FAM227B: variants seen among roughly 807,000 people sequenced by gnomAD.
FAM227B encodes the protein protein FAM227B.
In FAM227B, 88 loss-of-function variants were observed where a neutral mutation model predicts 73.8. That is an observed-to-expected ratio of 1.19 (90% CI 1.00 to 1.42). FAM227B has a LOEUF of 1.42. FAM227B is among the 40% of genes most tolerant of loss of function. The pLI, the probability that FAM227B is intolerant of heterozygous loss-of-function variation, is 0.00. For missense variants in FAM227B, 632 were observed against 590.9 expected (o/e 1.07, Z -0.72); for synonymous variants, 210 against 190.5 (o/e 1.10, Z -0.84).
chr15:49,355,390 C>G (rs2042972653), intron 13 of FAM227B, among the ~76,000 whole-genome samples: 1 of 152,042 alleles, frequency 6.6e-6, no homozygotes, highest in South Asian at 2.1e-4. Flanking sequence ...CAGAGAACTG[C>G]CTAAAGGAGC....
intron 13 of FAM227B, among the ~76,000 whole-genome samples, chr15:49,343,439 G>T (rs1005540705): frequency 1.3e-5 from 2 of 152,006 alleles, no homozygotes; most frequent in Non-Finnish European, 2.9e-5. Flanking sequence ...GAGTTTCTTT[G>T]TGTTGACTTT....
chr15:49,432,107 G>A lies in FAM227B; in HGVS notation c.1013-60708C>T, dbSNP rs1457146035. On this transcript the variant is annotated intron_variant, in intron 11 of 15. Transcript: ENST00000299338. The stretch of plus-strand genomic sequence containing the variant: ...GATTAATGTAAGAGAAATAAGACAT[G>A]TTTCAATATCCTCAAATATCACATT... Among the ~76,000 whole-genome samples the A allele has an allele frequency of 2.0e-5, 3 of 151,642 alleles. No homozygotes were observed. The East Asian group carries it at 5.8e-4, about 29-fold the overall frequency.
chr15:49,372,569 ACCTTT>A (rs1475197744), intron 11 of FAM227B, among the ~76,000 whole-genome samples: 1 of 152,146 alleles, frequency 6.6e-6, no homozygotes, highest in Non-Finnish European at 1.5e-5. Flanking sequence ...AGACTTGGTG[ACCTTT>A]CCTTTCAACT....
intron 11 of FAM227B, chr15:49,424,636 A>G (rs777358667): frequency 2.0e-5 from 27 of 1,356,714 alleles, no homozygotes; most frequent in East Asian, 2.4e-5. Flanking sequence ...TAATGGATCA[A>G]TTTTCAGGTG....
chr15:49,415,459 G>T (rs893981364), intron 11 of FAM227B, among the ~76,000 whole-genome samples: 1 of 151,930 alleles, frequency 6.6e-6, no homozygotes, highest in Non-Finnish European at 1.5e-5. Context: ...AACTTAAGGG[G>T]AATCAAGACA....
chr15:49,584,553 T>G (rs1053855897), intron 5 of FAM227B, among the ~76,000 whole-genome samples: 3 of 152,142 alleles, frequency 2.0e-5, no homozygotes, highest in Admixed American at 6.6e-5. Flanking sequence ...GGCATCCAAA[T>G]AGAAAGAAAG....
intron 9 of FAM227B, among the ~76,000 whole-genome samples, chr15:49,564,610 T>C (rs1303712293): frequency 6.6e-6 from 1 of 151,912 alleles, no homozygotes; most frequent in Non-Finnish European, 1.5e-5. Flanking sequence ...AATGGTGAAC[T>C]GGATGAAGAA....
intron 11 of FAM227B, among the ~76,000 whole-genome samples, chr15:49,497,978 T>C (rs2057772577): frequency 6.6e-6 from 1 of 152,244 alleles, no homozygotes; most frequent in African/African-American, 2.4e-5. Context: ...AGTCTTCTGC[T>C]ACCTTTCTGG....
intron 11 of FAM227B, among the ~76,000 whole-genome samples, chr15:49,377,337 A>G (rs1156587004): frequency 3.3e-5 from 5 of 152,028 alleles, no homozygotes; most frequent in Admixed American, 3.3e-4. Flanking sequence ...GAGTACAGAT[A>G]TTTCTTTGAT....
In FAM227B at chr15:49,615,192, A is replaced by G. The variant is rs2078212440; in HGVS notation, c.-21T>C. 6.2e-7 allele frequency: 1 copy of G among 1,613,198 alleles called. No homozygotes were observed. The highest frequency in any genetic ancestry group is 1.1e-5 in the South Asian group (1 of 91,064). ...GCCATGGTACAGTAACTTTGCAGAA[A>G]TGAAGAGAAATCAGCTGGGTCTTAG... On this transcript the variant is annotated 5_prime_UTR_variant, in exon 2 of 16. Transcript: ENST00000299338.
At position 49,367,433 on chromosome 15, in the gene FAM227B, C is replaced by T. The variant is rs1457001020; in HGVS notation, c.1271+15G>A. On this transcript the variant is annotated intron_variant, in intron 13 of 15. Coordinates refer to ENST00000299338, the MANE Select transcript of FAM227B (RefSeq NM_152647.3). ...TGAAAGAAATTATATTAAAGCAAAG[C>T]TTTAAAAAGGATATGGTTCCTGGAA... 1.3e-6 allele frequency: 2 copies of T among 1,537,248 alleles called. No homozygotes were observed. The highest frequency in any genetic ancestry group is 1.7e-6 in the Non-Finnish European group (2 of 1,152,882).
At chr15:49,532,137 G>A (rs1252516260) in intron 10 of FAM227B, among the ~76,000 whole-genome samples, 1 of 150,860 alleles carries the variant, frequency 6.6e-6, no homozygotes, top group East Asian at 1.9e-4. Context: ...GATATTTAGG[G>A]AAGCTGGTTG....
At chr15:49,567,155 G>C (rs949029534) in intron 9 of FAM227B, among the ~76,000 whole-genome samples, 1 of 152,124 alleles carries the variant, frequency 6.6e-6, no homozygotes, top group Non-Finnish European at 1.5e-5. Flanking sequence ...AAAGAATATG[G>C]GTAGCAGAAA....
chr15:49,547,155 C>T (rs2152291958), intron 9 of FAM227B, among the ~76,000 whole-genome samples: 1 of 152,244 alleles, frequency 6.6e-6, no homozygotes, highest in East Asian at 1.9e-4. Flanking sequence ...ATTTTCAGCC[C>T]AGAATCTCAT....
intron 11 of FAM227B, among the ~76,000 whole-genome samples, chr15:49,475,401 T>C (rs1384988371): frequency 6.6e-6 from 1 of 152,208 alleles, no homozygotes; most frequent in Non-Finnish European, 1.5e-5. Flanking sequence ...GGGTAGTCCT[T>C]TGAAAAGATT....
intron 1 of FAM227B, 60 bp from the exon 2 acceptor site, chr15:49,615,303 C>A: frequency 1.3e-6 from 1 of 764,496 alleles, no homozygotes; most frequent in Non-Finnish European, 2.3e-6. Flanking sequence ...AATCCCTTTC[C>A]CCTCACCCAC....
intron 9 of FAM227B, among the ~76,000 whole-genome samples, chr15:49,566,522 C>T (rs988811532): frequency 6.6e-6 from 1 of 152,074 alleles, no homozygotes; most frequent in Non-Finnish European, 1.5e-5. Flanking sequence ...TTAATTTGTG[C>T]TAAATAGTGG....
intron 11 of FAM227B, among the ~76,000 whole-genome samples, chr15:49,427,614 A>G (rs942454556): frequency 2.6e-5 from 4 of 152,030 alleles, no homozygotes; most frequent in Non-Finnish European, 5.9e-5. Flanking sequence ...TTACCAAAAG[A>G]AAGTCCCCAA....
intron 10 of FAM227B, among the ~76,000 whole-genome samples, chr15:49,523,129 T>C (rs1188589842): frequency 6.6e-6 from 1 of 152,178 alleles, no homozygotes; most frequent in Non-Finnish European, 1.5e-5. Flanking sequence ...ACAGCAGACT[T>C]CTAAGCAGAA....
Sources: allele counts gnomAD v4.1 joint callset (sites outside exome capture counted in the v4.1 genomes callset), GRCh38; gene constraint gnomAD v4.1.1; transcripts MANE v1.5; gene names NCBI Gene and HGNC (gene_info 2026-07-23, HGNC 2026-07-21).